The following ROBO2 variants were observed in gnomAD, a reference collection of about 807,000 sequenced individuals.
The protein encoded by ROBO2 is roundabout guidance receptor 2.
A neutral mutation model predicts 160.8 loss-of-function variants in ROBO2; 53 were observed. The ratio of observed to expected loss-of-function variants is 0.33; its 90% CI spans 0.26 to 0.41. The LOEUF (loss-of-function observed/expected upper bound fraction) is 0.41. ROBO2 is among the 10% of genes least tolerant of loss of function. ROBO2 has a pLI of 1.00. For missense variants in ROBO2, 1,577 were observed against 1,722.4 expected (o/e 0.92, Z 1.49); for synonymous variants, 664 against 611.7 (o/e 1.09, Z -1.26).
At chr3:77,634,615 G>C (rs2095231421) in intron 23 of ROBO2, 1 of 480,450 alleles carries the variant, frequency 2.1e-6, no homozygotes, top group Admixed American at 3.3e-5. Context: ...GTGGATTGGT[G>C]GATCTGTTTT....
rs551873503 is a variant in ROBO2 at position 76,915,454 on chromosome 3, A to C, written c.110-182560A>C. Among the ~76,000 whole-genome samples, 3 of 152,068 alleles carry C rather than the reference A, an allele frequency of 2.0e-5. No homozygotes were observed. The South Asian group carries it at 6.2e-4, about 32-fold the overall frequency. On this transcript the variant is annotated intron_variant, in intron 2 of 26. Coordinates refer to the ROBO2 transcript ENST00000487694. ...GGCGGGTGGATCACTGGAGGTCAGG[A>C]GTTTGAGTCCAGCCTGGCCCACATG... is the stretch of plus-strand genomic sequence containing the variant.
intron 2 of ROBO2, among the ~76,000 whole-genome samples, chr3:76,625,636 GA>G (rs1299778940): frequency 6.6e-6 from 1 of 152,128 alleles, no homozygotes; most frequent in Non-Finnish European, 1.5e-5. Flanking sequence ...GGATCTATGA[GA>G]AAAAGATATT....
chr3:76,510,728 A>T (rs905172461), intron 2 of ROBO2, among the ~76,000 whole-genome samples: 27 of 152,178 alleles, frequency 1.8e-4, no homozygotes, highest in African/African-American at 6.0e-4. Flanking sequence ...GTCTCAAAAA[A>T]ATAAAAAATA....
chr3:77,221,210 T>G (rs973045600), intron 2 of ROBO2, among the ~76,000 whole-genome samples: 1 of 152,186 alleles, frequency 6.6e-6, no homozygotes, highest in Non-Finnish European at 1.5e-5. Context: ...GCCAGTGCTG[T>G]GTGAGCTCCC....
rs141355502 is a variant in ROBO2, at chr3:77,510,157, G to T, written c.807-12618G>T. Among the ~76,000 whole-genome samples, 220 of 152,156 alleles carry T rather than the reference G, an allele frequency of 1.4e-3. 1 individual carries two copies. The highest frequency in any genetic ancestry group is 5.2e-3 in the African/African-American group (215 of 41,532). ...ATTCCCTGAGCCCTCCAGAGAGCCA[G>T]TCAAGAGTGAATTGGAGTTTTTATT... is the stretch of plus-strand genomic sequence containing the variant. On this transcript the variant is annotated intron_variant, in intron 5 of 25. Coordinates refer to ENST00000461745, the Ensembl canonical transcript of ROBO2.
chr3:76,960,405 AT>A lies in ROBO2; in HGVS notation c.110-137602del, dbSNP rs905463716. On this transcript the variant is annotated intron_variant, in intron 2 of 26. Transcript: ENST00000487694. The stretch of plus-strand genomic sequence containing the variant: ...CTTGTCTTTCAACAGTACACTGATT[AT>A]TTTTTTCCTTCTCTTTAAAAATGTA... 3.2e-4 allele frequency among the ~76,000 whole-genome samples: 48 copies of A among 152,022 alleles called. 1 individual carries two copies. Among genetic ancestry groups the A allele is most frequent in the Admixed American group, 2.8e-3 (43 of 15,284 alleles).
intron 2 of ROBO2, among the ~76,000 whole-genome samples, chr3:76,142,574 T>C (rs1269893240): frequency 6.6e-6 from 1 of 151,898 alleles, no homozygotes; most frequent in Non-Finnish European, 1.5e-5. Context: ...AAGACAGACA[T>C]CAGATATCCT....
chr3:76,841,466 G>A (rs2068254823), intron 2 of ROBO2, among the ~76,000 whole-genome samples: 2 of 152,196 alleles, frequency 1.3e-5, no homozygotes, highest in Admixed American at 1.3e-4. Flanking sequence ...CCAATGTTAA[G>A]TAATTTGTTT....
chr3:77,152,800 C>T (rs1312353265), intron 2 of ROBO2, among the ~76,000 whole-genome samples: 1 of 152,192 alleles, frequency 6.6e-6, no homozygotes, highest in Admixed American at 6.5e-5. Context: ...TTATAACTCA[C>T]CCTTTTAACA....
Position 76,175,205 on chromosome 3 carries a change from T to G in ROBO2, c.109+237603T>G, listed in dbSNP as rs972537623. Among the ~76,000 whole-genome samples the G allele has an allele frequency of 3.9e-5, 6 of 152,032 alleles. No homozygotes were observed. In the South Asian group the frequency reaches 1.0e-3, roughly 26 times the overall value. ...AGGAACGCTTGTGATTTTTGGACAT[T>G]GATTTTGCATCCTGAAACTTTGCTG... On this transcript the variant is annotated intron_variant, in intron 2 of 26. Transcript: ENST00000487694.
chr3:76,640,437 C>A (rs2109671011), intron 2 of ROBO2, among the ~76,000 whole-genome samples: 1 of 152,058 alleles, frequency 6.6e-6, no homozygotes, highest in South Asian at 2.1e-4. Flanking sequence ...AGGCTAAGGC[C>A]ACAGAATCAC....
intron 2 of ROBO2, among the ~76,000 whole-genome samples, chr3:77,371,078 T>C (rs1402304619): frequency 1.3e-5 from 2 of 152,180 alleles, no homozygotes; most frequent in Non-Finnish European, 2.9e-5. Context: ...TGATATTATT[T>C]TTTTCTGGTT....
chr3:76,000,489 ATT>A (rs62945460), intron 2 of ROBO2, among the ~76,000 whole-genome samples: 2,129 of 114,136 alleles, frequency 0.019, 38 homozygotes, highest in African/African-American at 0.043. Flanking sequence ...TTGTGCGCTT[ATT>A]TTTTTTTTTT....
chr3:76,119,280 T>G (rs1051971803), intron 2 of ROBO2, among the ~76,000 whole-genome samples: 2 of 152,132 alleles, frequency 1.3e-5, no homozygotes, highest in Non-Finnish European at 2.9e-5. Flanking sequence ...TTGCACTATT[T>G]ATAATGGTGT....
At chr3:76,383,768 G>A (rs7610909) in intron 2 of ROBO2, among the ~76,000 whole-genome samples, 52,579 of 152,038 alleles carry the variant, frequency 0.35, 12,103 homozygotes, top group African/African-American at 0.64. Context: ...TTCTGTTAGA[G>A]TAAATCAAAT....
At chr3:76,627,600 A>T (rs141845749) in intron 2 of ROBO2, among the ~76,000 whole-genome samples, 1 of 152,252 alleles carries the variant, frequency 6.6e-6, no homozygotes, top group African/African-American at 2.4e-5. Context: ...ATCCTTGTGC[A>T]TAAATAATAA....
chr3:76,437,351 A>G (rs2076730166), intron 2 of ROBO2, among the ~76,000 whole-genome samples: 1 of 152,182 alleles, frequency 6.6e-6, no homozygotes, highest in African/African-American at 2.4e-5. Flanking sequence ...GGTTTCCTAT[A>G]CTTGAAAAAA....
chr3:76,687,538 C>T lies in ROBO2; in HGVS notation c.110-410476C>T, dbSNP rs72888384. ...CAAAGTAGACACTTAAAATAAAACT[C>T]GAGAAAGAAACGGGCTCAGGAAAAC... On this transcript the variant is annotated intron_variant, in intron 2 of 26. Transcript: ENST00000487694. Among the ~76,000 whole-genome samples the T allele has an allele frequency of 6.9e-3, 1,051 of 151,930 alleles. 9 individuals carry two copies. The highest frequency in any genetic ancestry group is 0.024 in the African/African-American group (983 of 41,440).
chr3:76,129,289 C>T (rs971804087), intron 2 of ROBO2, among the ~76,000 whole-genome samples: 4 of 152,042 alleles, frequency 2.6e-5, no homozygotes, highest in Non-Finnish European at 4.4e-5. Flanking sequence ...AATGAGATGA[C>T]GTGCACTCTA....
Sources: gnomAD v4.1 joint callset for allele counts (sites outside exome capture counted in the v4.1 genomes callset) on GRCh38, gnomAD v4.1.1 for gene constraint, MANE v1.5 for transcripts, NCBI Gene and HGNC (gene_info 2026-07-23, HGNC 2026-07-21) for gene names.